Variants in GAPDHS observed in about 807,000 individuals in gnomAD.
GAPDHS encodes the protein glyceraldehyde-3-phosphate dehydrogenase, spermatogenic, also known as glyceraldehyde-3-phosphate dehydrogenase, testis-specific.
GAPDHS carries 42 observed loss-of-function variants against 48.7 expected under a neutral mutation model. That is an observed-to-expected ratio of 0.86 (90% confidence interval 0.67 to 1.12). The LOEUF (loss-of-function observed/expected upper bound fraction) is 1.12, where lower values mean the gene tolerates loss of function less well. Ranked by LOEUF, GAPDHS falls within the 50% of genes most tolerant of loss-of-function variation. The pLI is 0.00. For synonymous variants in GAPDHS, 166 were observed against 219.1 expected (o/e 0.76, Z 2.14); for missense variants, 512 against 557.7 (o/e 0.92, Z 0.82).
At chr19:35,540,480 G>A (rs1033261332) in intron 4 of GAPDHS, among the ~76,000 whole-genome samples, 1 of 152,164 alleles carries the variant, frequency 6.6e-6, no homozygotes, top group South Asian at 2.1e-4. Flanking sequence ...GAAATGGGGG[G>A]TATCTGAGAA....
chr19:35,543,190 C>A, intron 7 of GAPDHS, 150 bp from the exon 8 acceptor site: 1 of 1,068,142 alleles, frequency 9.4e-7, no homozygotes, highest in Non-Finnish European at 1.4e-6. Context: ...TCAGGCAAGG[C>A]TGGACCCTGG....
chr19:35,538,642 A>G lies in GAPDHS; in HGVS notation c.408A>G (p.Gly136=). ...AGGGAAGTGTGGAATTCAGGAATGG[A>G]CAACTGGTCGTGGACAACCATGAGA... ...RYKGSVEFRN[G]QLVVDNHEIS... is the part of the protein sequence containing the mutation. The change falls in exon 4 of 11, where the codon GGA becomes GGG. Residue 136 remains glycine, a synonymous_variant. Coordinates refer to ENST00000222286, the MANE Select transcript of GAPDHS (RefSeq NM_014364.5). The G allele has an allele frequency of 3.7e-6, 6 of 1,611,520 alleles. No individual in the cohort carries two copies. In the South Asian group the frequency reaches 6.6e-5, roughly 18 times the overall value.
rs1295792956 is a variant in GAPDHS, at chr19:35,533,522, G to A, written c.-6G>A. 3 of 1,613,000 alleles carry A rather than the reference G, an allele frequency of 1.9e-6. No homozygotes were observed. The highest frequency in any genetic ancestry group is 1.1e-5 in the South Asian group (1 of 91,078). On this transcript the variant is annotated 5_prime_UTR_variant, in exon 1 of 11. Transcript: ENST00000222286. ...GTCCAGGCCAATGATAACCTTATAA[G>A]AGGCCATGTCGAAGCGCGACATCGT... is the stretch of plus-strand genomic sequence containing the variant.
Position 35,538,358 on chromosome 19 carries a change from T to C in GAPDHS, c.297T>C (p.Val99=), listed in dbSNP as rs1568681972. ...LVLRACMEKG[V]KVVAVNDPFI... ...TGCGCGCCTGCATGGAGAAGGGTGT[T>C]AAGGTGGTGGCTGTGAATGATCCAT... The change falls in exon 3 of 11, where the codon GTT becomes GTC. Residue 99 remains valine (V), a synonymous_variant. Transcript: ENST00000222286. 6.2e-7 allele frequency: 1 copy of C among 1,613,614 alleles called. No individual in the cohort carries two copies. Among genetic ancestry groups the C allele is most frequent in the Non-Finnish European group, 8.5e-7 (1 of 1,179,724 alleles).
At chr19:35,538,470 T>C (rs1172485365) in intron 3 of GAPDHS, 67 bp downstream of exon 3, 2 of 1,290,968 alleles carry the variant, frequency 1.5e-6, no homozygotes, top group African/African-American at 1.5e-5. Flanking sequence ...TCAGGGAAGC[T>C]GTATGGAAGG....
rs757245260 is a variant in GAPDHS at position 35,542,556 on chromosome 19, G to C, written c.607G>C (p.Val203Leu). The stretch of plus-strand genomic sequence containing the variant: ...GCCCTCACCGGATGCACCAATGTTC[G>C]TCATGGGTGTCAATGAAAATGACTA... ...SAPSPDAPMF[V>L]MGVNENDYNP... The change falls in exon 6 of 11, where the codon GTC becomes CTC. Residue 203 changes from valine (V) to leucine (L), a missense_variant. Transcript: ENST00000222286. 6.2e-7 allele frequency: 1 copy of C among 1,613,832 alleles called. No individual in the cohort carries two copies. The highest frequency in any genetic ancestry group is 8.5e-7 in the Non-Finnish European group (1 of 1,179,750).
chr19:35,538,842 A>G (rs972485031), intron 4 of GAPDHS, among the ~76,000 whole-genome samples, 159 bp downstream of exon 4: 3 of 152,198 alleles, frequency 2.0e-5, no homozygotes, highest in African/African-American at 7.2e-5. Flanking sequence ...GGGAAGTCTC[A>G]GGTCCTTCAC....
Position 35,533,465 on chromosome 19 carries a change from G to C in GAPDHS, c.-63G>C, listed in dbSNP as rs62623387. The C allele has an allele frequency of 8.5e-3, 12,201 of 1,441,484 alleles. 76 individuals are homozygous for C. Among genetic ancestry groups the C allele is most frequent in the Non-Finnish European group, 9.8e-3 (9,994 of 1,024,178 alleles). 89.3% of individuals were successfully genotyped at this position (1,441,484 alleles called of 1,614,324 possible). A position where few individuals can be genotyped will look rare whatever the true frequency, so the allele number is the denominator to read the frequency against. ...TTAGCCCAGGACCCACAGCCCTGGCGCTCCGCACGCACCTCGGTAACATCA... is the reference window on the plus strand; with the variant it reads ...TTAGCCCAGGACCCACAGCCCTGGCCCTCCGCACGCACCTCGGTAACATCA... On this transcript the variant is annotated 5_prime_UTR_variant, in exon 1 of 11. Coordinates refer to ENST00000222286, the MANE Select transcript of GAPDHS (RefSeq NM_014364.5).
At chr19:35,536,020 G>A (rs1038722851) in intron 1 of GAPDHS, among the ~76,000 whole-genome samples, 7 of 150,508 alleles carry the variant, frequency 4.7e-5, no homozygotes, top group African/African-American at 1.7e-4. Flanking sequence ...GATTACAGGT[G>A]TGAGCCACCA....
At chr19:35,537,089 C>T in intron 2 of GAPDHS, 99 bp downstream of exon 2, 1 of 1,046,094 alleles carries the variant, frequency 9.6e-7, no homozygotes. Flanking sequence ...CCCATCAATG[C>T]TTTCGTTCCG....
chr19:35,543,550 C>A, intron 8 of GAPDHS, 59 bp downstream of exon 8: 1 of 1,574,652 alleles, frequency 6.4e-7, no homozygotes, highest in South Asian at 1.2e-5. Context: ...ACTGGACTGG[C>A]CCGGCCCTCA....
intron 1 of GAPDHS, among the ~76,000 whole-genome samples, chr19:35,534,365 G>GC (rs2071451880): frequency 6.6e-6 from 1 of 152,318 alleles, no homozygotes; most frequent in East Asian, 1.9e-4. Flanking sequence ...GAGCAGACAG[G>GC]CTTACCAGCC....
At position 35,543,412 on chromosome 19, in the gene GAPDHS, C is replaced by G; in HGVS notation, c.814C>G (p.Arg272Gly). 1 of 1,611,216 alleles carries G rather than the reference C, an allele frequency of 6.2e-7. No individual in the cohort carries two copies. Among genetic ancestry groups the G allele is most frequent in the Non-Finnish European group, 8.5e-7 (1 of 1,179,066 alleles). The part of the protein sequence containing the change: ...GPSRKAWRDG[R>G]GAHQNIIPAS... ...ATCAAGGAAGGCCTGGCGAGATGGG[C>G]GGGGTGCCCACCAGAACATCATCCC... The change falls in exon 8 of 11, where the codon CGG becomes GGG. Residue 272 changes from arginine to glycine, a missense_variant. By Grantham distance (125) the Arg-to-Gly change is moderately radical. Transcript: ENST00000222286.
At chr19:35,539,021 C>T (rs2071484053) in intron 4 of GAPDHS, among the ~76,000 whole-genome samples, 1 of 152,128 alleles carries the variant, frequency 6.6e-6, no homozygotes, top group Non-Finnish European at 1.5e-5. Context: ...TCAAGTGGTC[C>T]TCCCACCTCG....
rs780082833 is a variant in GAPDHS, at chr19:35,536,931, C to A, written c.186C>A (p.Pro62=). The A allele has an allele frequency of 6.2e-7, 1 of 1,613,978 alleles. No homozygotes were observed. The highest frequency in any genetic ancestry group is 1.3e-5 in the African/African-American group (1 of 74,886). ...KPPPPPLPPH[P]ATPPPKMVSV... ...CACCGCCACCACTGCCTCCTCACCC[C>A]GCTACTCCTCCTCCTAAGATGGTGT... is the stretch of plus-strand genomic sequence containing the variant. Residue 62 remains proline (P), a synonymous_variant, in exon 2 of 11, where the codon CCC becomes CCA. Transcript: ENST00000222286.
chr19:35,542,381 G>A lies in GAPDHS; in HGVS notation c.512G>A (p.Gly171Asp). Residue 171 changes from glycine (G) to aspartate (D), a missense_variant, in exon 5 of 11, where the codon GGC becomes GAC. Transcript: ENST00000222286. ...VGSPYVVEST[G>D]VYLSIQAASD... ...AGCCCCTACGTGGTGGAGTCCACAG[G>A]CGTGTACCTCTCCATACAGGCAGCT... The A allele has an allele frequency of 1.2e-6, 2 of 1,609,992 alleles. No individual in the cohort carries two copies. The highest frequency in any genetic ancestry group is 8.5e-7 in the Non-Finnish European group (1 of 1,176,546).
intron 1 of GAPDHS, among the ~76,000 whole-genome samples, chr19:35,535,455 G>A (rs552879355): frequency 3.4e-4 from 51 of 152,030 alleles, no homozygotes; most frequent in African/African-American, 1.2e-3. Context: ...GCACGATCTC[G>A]CCCACCACAA....
intron 4 of GAPDHS, among the ~76,000 whole-genome samples, chr19:35,539,988 TC>T (rs969786675): frequency 6.6e-6 from 1 of 151,808 alleles, no homozygotes; most frequent in African/African-American, 2.4e-5. Flanking sequence ...CCCCTCTCCA[TC>T]CCCGCACTGT....
Position 35,536,617 on chromosome 19 carries a change from A to T in GAPDHS, c.68-196A>T, listed in dbSNP as rs367919785. On this transcript the variant is annotated intron_variant, in intron 1 of 10. Transcript: ENST00000222286. ...CGGAAGTACATAACCAGTGAATTAG[A>T]ATCTCCAGGAAAGAGCCCTTGGGAT... 7.9e-5 allele frequency among the ~76,000 whole-genome samples: 12 copies of T among 152,154 alleles called. 1 individual carries two copies. In the South Asian group the frequency reaches 1.5e-3, roughly 18 times the overall value.
Sources: gnomAD v4.1 joint callset for allele counts (sites outside exome capture counted in the v4.1 genomes callset) on GRCh38, gnomAD v4.1.1 for gene constraint, MANE v1.5 for transcripts, NCBI Gene and HGNC (gene_info 2026-07-23, HGNC 2026-07-21) for gene names.